Variants in RYK observed in about 807,000 individuals in gnomAD.
RYK encodes receptor like tyrosine kinase.
In RYK, 21 loss-of-function variants were observed where a neutral mutation model predicts 70.2. The ratio of observed to expected loss-of-function variants is 0.30; its 90% confidence interval spans 0.21 to 0.43. The LOEUF is 0.43. Among genes scored for constraint, RYK ranks in the 20% least tolerant of loss-of-function variants. The pLI, the probability that RYK is intolerant of heterozygous loss-of-function variation, is 1.00. For synonymous variants in RYK, 267 were observed against 278.0 expected (o/e 0.96, Z 0.39); for missense variants, 604 against 753.3 (o/e 0.80, Z 2.32).
intron 1 of RYK, among the ~76,000 whole-genome samples, chr3:134,242,198 A>G (rs1052242112): frequency 1.3e-5 from 2 of 151,904 alleles, no homozygotes; most frequent in Admixed American, 1.3e-4. Context: ...CCAGCTACTC[A>G]GGAGGCTGAG....
chr3:134,218,805 G>A (rs763892717), intron 2 of RYK, among the ~76,000 whole-genome samples: 10 of 152,134 alleles, frequency 6.6e-5, no homozygotes, highest in South Asian at 2.1e-4. Flanking sequence ...GACCACTTCC[G>A]AATCCAGCAA....
intron 2 of RYK, among the ~76,000 whole-genome samples, chr3:134,220,596 C>A (rs1225843616): frequency 6.6e-6 from 1 of 152,138 alleles, no homozygotes; most frequent in Non-Finnish European, 1.5e-5. Flanking sequence ...ATTTACTATT[C>A]AGAAATAAGG....
At chr3:134,189,808 T>C (rs1360428740) in intron 8 of RYK, among the ~76,000 whole-genome samples, 1 of 151,628 alleles carries the variant, frequency 6.6e-6, no homozygotes, top group African/African-American at 2.4e-5. Context: ...GTTATGACCT[T>C]TGCGGGTGCT....
chr3:134,192,206 T>G (rs978703231), intron 7 of RYK, among the ~76,000 whole-genome samples: 1 of 152,170 alleles, frequency 6.6e-6, no homozygotes, highest in African/African-American at 2.4e-5. Flanking sequence ...AATTCTGAAC[T>G]GCAACAAGAA....
rs182060009 is a variant in RYK, at chr3:134,210,394, A to C, written c.455-565T>G. Among the ~76,000 whole-genome samples, 5 of 149,738 alleles carry C rather than the reference A, an allele frequency of 3.3e-5. No homozygotes were observed. The East Asian group carries it at 1.1e-3, about 32-fold the overall frequency. On this transcript the variant is annotated intron_variant, in intron 3 of 14. Coordinates refer to ENST00000623711, the MANE Select transcript of RYK (RefSeq NM_002958.4). ...AATGGGATAACAGACTTCAGTGCAT[A>C]TAATTTTTTTCCCCAATCTTTAAGA...
intron 8 of RYK, among the ~76,000 whole-genome samples, 180 bp from the exon 9 acceptor site, chr3:134,189,103 T>C (rs1228647574): frequency 1.3e-5 from 2 of 152,200 alleles, no homozygotes; most frequent in South Asian, 2.1e-4. Flanking sequence ...AAGTTTTTTG[T>C]GACTATTACA....
At chr3:134,174,869 C>G (rs916588715) in intron 13 of RYK, among the ~76,000 whole-genome samples, 1 of 151,846 alleles carries the variant, frequency 6.6e-6, no homozygotes, top group Non-Finnish European at 1.5e-5. Context: ...TTTTATGAGC[C>G]ATAACACTTA....
intron 1 of RYK, among the ~76,000 whole-genome samples, chr3:134,228,272 T>C (rs888213395): frequency 2.5e-4 from 38 of 151,974 alleles, no homozygotes; most frequent in African/African-American, 5.3e-4. Context: ...GCCTGGAAGA[T>C]AGAACAAGAC....
At chr3:134,233,650 G>C (rs2015124006) in intron 1 of RYK, among the ~76,000 whole-genome samples, 1 of 152,176 alleles carries the variant, frequency 6.6e-6, no homozygotes, top group Non-Finnish European at 1.5e-5. Flanking sequence ...TTGGAGGAGA[G>C]AGGTGATACC....
intron 13 of RYK, among the ~76,000 whole-genome samples, chr3:134,165,811 T>G (rs1331723563): frequency 3.3e-5 from 5 of 152,272 alleles, no homozygotes; most frequent in Admixed American, 2.0e-4. Flanking sequence ...CCCTTTGGAA[T>G]GAGTATGTCT....
At chr3:134,204,070 G>A (rs1024644040) in intron 5 of RYK, among the ~76,000 whole-genome samples, 1 of 152,088 alleles carries the variant, frequency 6.6e-6, no homozygotes, top group Non-Finnish European at 1.5e-5. Context: ...AGAAGACTGA[G>A]TGACAGAAGG....
At chr3:134,208,945 C>A (rs1164018694) in intron 4 of RYK, among the ~76,000 whole-genome samples, 1 of 151,968 alleles carries the variant, frequency 6.6e-6, no homozygotes, top group Non-Finnish European at 1.5e-5. Context: ...ATCTTAGATA[C>A]TAACCAATTC....
intron 1 of RYK, among the ~76,000 whole-genome samples, chr3:134,240,236 A>AT (rs1223852422): frequency 6.6e-6 from 1 of 152,242 alleles, no homozygotes; most frequent in Non-Finnish European, 1.5e-5. Flanking sequence ...TTGCTTCAAA[A>AT]TAATCTAAGT....
At chr3:134,215,134 G>C (rs919825671) in intron 2 of RYK, among the ~76,000 whole-genome samples, 1 of 152,154 alleles carries the variant, frequency 6.6e-6, no homozygotes, top group Admixed American at 6.5e-5. Flanking sequence ...CTAGGTCTCA[G>C]TTATCACAAG....
At chr3:134,187,360 T>G (rs777195371) in intron 9 of RYK, among the ~76,000 whole-genome samples, 32 of 152,190 alleles carry the variant, frequency 2.1e-4, no homozygotes, top group Non-Finnish European at 4.1e-4. Flanking sequence ...GTATAAAATT[T>G]TATCACTTTC....
chr3:134,250,520 G>A lies in RYK; in HGVS notation c.135C>T (p.Ala45=). The A allele has an allele frequency of 8.2e-7, 1 of 1,216,876 alleles. No homozygotes were observed. Among genetic ancestry groups the A allele is most frequent in the Non-Finnish European group, 1.0e-6 (1 of 972,866 alleles). The allele number at this position is 1,216,876 out of a possible 1,614,324, so 75.4% of individuals were successfully genotyped here. Residue 45 remains alanine, a synonymous_variant, in exon 1 of 15, where the codon GCC becomes GCT. Transcript: ENST00000623711. ...CCGGGGGCCGCGGGGCGGGGGCGGC[G>A]GCAGCGCCAGGCGCGGGCAGCAGCG... ...LLPLLPAPGA[A]AAPAPRPPEL...
intron 5 of RYK, among the ~76,000 whole-genome samples, 185 bp downstream of exon 5, chr3:134,207,286 CA>C (rs539033269): frequency 1.7e-4 from 26 of 152,252 alleles, no homozygotes; most frequent in African/African-American, 5.5e-4. Flanking sequence ...TTTTAGTTCT[CA>C]AAATATTCAA....
intron 1 of RYK, among the ~76,000 whole-genome samples, chr3:134,232,271 T>TAC (rs2015075728): frequency 6.6e-6 from 1 of 152,156 alleles, no homozygotes; most frequent in South Asian, 2.1e-4. Flanking sequence ...AGGTTTCCAC[T>TAC]TTCACCCACC....
At chr3:134,181,550 T>A (rs1309642443) in intron 10 of RYK, 1 of 152,192 alleles carries the variant, frequency 6.6e-6, no homozygotes, top group Non-Finnish European at 1.5e-5. Flanking sequence ...AAAATATAAC[T>A]AAATTTAAAA....
Sources: gnomAD v4.1 joint callset for allele counts (sites outside exome capture counted in the v4.1 genomes callset) on GRCh38, gnomAD v4.1.1 for gene constraint, MANE v1.5 for transcripts, NCBI Gene and HGNC (gene_info 2026-07-23, HGNC 2026-07-21) for gene names.